Variants in PCDH11X observed in about 807,000 individuals in gnomAD.
PCDH11X encodes the protein protocadherin-11 X-linked.
In PCDH11X, 18 loss-of-function variants were observed where a neutral mutation model predicts 53.3. That is an observed-to-expected ratio of 0.34 (90% CI 0.23 to 0.50). The LOEUF (loss-of-function observed/expected upper bound fraction) is 0.50. Among genes scored for constraint, PCDH11X ranks in the 20% least tolerant of loss-of-function variants. The pLI is 0.98. For missense variants in PCDH11X, 570 were observed against 1,032.4 expected, an observed-to-expected ratio of 0.55 and a Z score of 6.14; for synonymous variants, 279 against 393.3, an observed-to-expected ratio of 0.71 and a Z score of 3.44.
chrX:92,127,681 A>C (rs1300990808), intron 6 of PCDH11X, among the ~76,000 whole-genome samples: 2 of 109,164 alleles, frequency 1.8e-5, no homozygotes, highest in African/African-American at 6.7e-5. Flanking sequence ...CCACCAAGCC[A>C]GACTAACTGT....
At chrX:91,946,912 T>C (rs1244769878) in intron 6 of PCDH11X, among the ~76,000 whole-genome samples, 1 of 107,172 alleles carries the variant, frequency 9.3e-6, no homozygotes, top group African/African-American at 3.4e-5. Flanking sequence ...TATGAGCATG[T>C]GTTTTCTTGC....
rs774144421 is a variant in PCDH11X, at chrX:91,803,406, TG to T, written c.-378-6057del. ...GATTTCAAACAGAAGAGCTCTTTTT[TG>T]GGTGATGTCCTTAATAATTACAATC... is the stretch of plus-strand genomic sequence containing the variant. On this transcript the variant is annotated intron_variant, in intron 1 of 10. Transcript: ENST00000682573. Among the ~76,000 whole-genome samples the T allele has an allele frequency of 3.7e-3, 411 of 111,313 alleles. 3 individuals carry two copies. The highest frequency in any genetic ancestry group is 0.013 in the African/African-American group (400 of 30,739).
At chrX:92,223,548 C>T (rs899163775) in intron 7 of PCDH11X, among the ~76,000 whole-genome samples, 2 of 112,043 alleles carry the variant, frequency 1.8e-5, no homozygotes, top group Non-Finnish European at 3.8e-5. Context: ...TCTTCTCTCA[C>T]CTGAAGCAAC....
intron 6 of PCDH11X, among the ~76,000 whole-genome samples, chrX:92,160,106 A>G (rs5941040): frequency 0.42 from 44,489 of 106,817 alleles, 7,341 homozygotes; most frequent in Non-Finnish European, 0.5. Flanking sequence ...TTGTTTGTTT[A>G]TTTATTTTGG....
At chrX:92,520,344 T>C in intron 10 of PCDH11X, among the ~76,000 whole-genome samples, 1 of 106,904 alleles carries the variant, frequency 9.4e-6, no homozygotes. Flanking sequence ...TTTAAAAATA[T>C]TGCTAAAAAA....
intron 6 of PCDH11X, among the ~76,000 whole-genome samples, chrX:91,898,332 G>A (rs1471961461): frequency 9.2e-6 from 1 of 108,480 alleles, no homozygotes; most frequent in Non-Finnish European, 1.9e-5. Flanking sequence ...CAGATCAACA[G>A]TCTAGGTGAT....
intron 6 of PCDH11X, among the ~76,000 whole-genome samples, chrX:92,147,187 C>G (rs1409920677): frequency 9.3e-6 from 1 of 107,939 alleles, no homozygotes; most frequent in Admixed American, 9.9e-5. Flanking sequence ...TTCTTCAAAC[C>G]GTTAGCAGAA....
chrX:92,150,909 A>T (rs2065420579), intron 6 of PCDH11X, among the ~76,000 whole-genome samples: 2 of 110,617 alleles, frequency 1.8e-5, no homozygotes, highest in Non-Finnish European at 3.8e-5. Context: ...TAATTATTGT[A>T]ATTGTTTTGT....
At chrX:91,830,623 A>C in intron 4 of PCDH11X, among the ~76,000 whole-genome samples, 1 of 110,755 alleles carries the variant, frequency 9.0e-6, no homozygotes, top group Non-Finnish European at 1.9e-5. Flanking sequence ...CTTATTGTTT[A>C]CCCAGGCTGT....
chrX:92,327,299 T>G (rs1412076697), intron 8 of PCDH11X, among the ~76,000 whole-genome samples: 2 of 89,512 alleles, frequency 2.2e-5, no homozygotes, highest in Non-Finnish European at 4.3e-5. Context: ...TACAACTTTG[T>G]GTTGTACTTT....
intron 7 of PCDH11X, among the ~76,000 whole-genome samples, chrX:92,258,817 C>A (rs1379511405): frequency 9.0e-6 from 1 of 111,589 alleles, no homozygotes; most frequent in Non-Finnish European, 1.9e-5. Flanking sequence ...TATGTAATTT[C>A]TTTGCTCACA....
chrX:92,541,758 C>A (rs1352457003), intron 10 of PCDH11X, among the ~76,000 whole-genome samples: 3 of 107,458 alleles, frequency 2.8e-5, no homozygotes, highest in Non-Finnish European at 5.8e-5. Context: ...GAGTTCGAGA[C>A]CAGCTTGGTC....
chrX:92,114,420 G>C, intron 6 of PCDH11X: 6 of 916,150 alleles, frequency 6.5e-6, no homozygotes, highest in Non-Finnish European at 9.5e-6. Flanking sequence ...CCATCCCATC[G>C]GGGCCATTGT....
intron 6 of PCDH11X, among the ~76,000 whole-genome samples, chrX:92,148,111 TTTCTTTC>T (rs2065347691): frequency 4.3e-5 from 1 of 23,475 alleles, no homozygotes; most frequent in Non-Finnish European, 7.6e-5. Flanking sequence ...TCTTTCTTTC[TTTCTTTC>T]TTTCTTTCTT....
rs768451035 is a variant in PCDH11X, at chrX:92,060,057, T to C, written c.3034-141318T>C. ...TAGATTGTTGCAAGCACTAAAATTATACCCATAAAAAAAAGTTTGCATCTA... is the reference window on the plus strand; with the variant it reads ...TAGATTGTTGCAAGCACTAAAATTACACCCATAAAAAAAAGTTTGCATCTA... On this transcript the variant is annotated intron_variant, in intron 6 of 10. Transcript: ENST00000682573. Among the ~76,000 whole-genome samples the C allele has an allele frequency of 2.7e-5, 3 of 111,027 alleles. No individual in the cohort carries two copies. The South Asian group carries it at 1.1e-3, about 42-fold the overall frequency.
At chrX:92,019,572 G>A (rs1329457974) in intron 6 of PCDH11X, among the ~76,000 whole-genome samples, 1 of 111,731 alleles carries the variant, frequency 9.0e-6, no homozygotes, top group South Asian at 3.7e-4. Flanking sequence ...AAAACCATAC[G>A]ATTACATGGA....
chrX:91,798,504 A>G (rs1479734197), intron 1 of PCDH11X, among the ~76,000 whole-genome samples: 6 of 106,712 alleles, frequency 5.6e-5, no homozygotes, highest in African/African-American at 1.0e-4. Flanking sequence ...CAGGAGGATC[A>G]CTTGAACCAG....
intron 6 of PCDH11X, among the ~76,000 whole-genome samples, chrX:92,014,827 T>C (rs1332282305): frequency 9.0e-6 from 1 of 110,711 alleles, no homozygotes; most frequent in Non-Finnish European, 1.9e-5. Context: ...TAGGTGGGAA[T>C]TGAACAATGA....
intron 6 of PCDH11X, among the ~76,000 whole-genome samples, chrX:91,972,418 A>G (rs1433074475): frequency 1.1e-3 from 102 of 95,563 alleles, no homozygotes; most frequent in Middle Eastern, 5.7e-3. Flanking sequence ...CTCTGATGGT[A>G]GTTTCTTTTG....
Sources: allele counts gnomAD v4.1 joint callset (sites outside exome capture counted in the v4.1 genomes callset), GRCh38; gene constraint gnomAD v4.1.1; transcripts MANE v1.5; gene names NCBI Gene and HGNC (gene_info 2026-07-23, HGNC 2026-07-21).